The following TCOF1 variants were observed in gnomAD, a reference collection of about 807,000 sequenced individuals.
TCOF1 encodes the protein treacle protein.
TCOF1 carries 33 observed loss-of-function variants against 149.0 expected under a neutral mutation model. That is an observed-to-expected ratio of 0.22 (90% CI 0.17 to 0.30). The LOEUF is 0.30. TCOF1 is among the 10% of genes least tolerant of loss of function. The pLI is 1.00. For missense variants in TCOF1, 1,728 were observed against 1,840.7 expected (o/e 0.94, Z 1.12); for synonymous variants, 789 against 738.8 (o/e 1.07, Z -1.10).
At chr5:150,363,401 C>T (rs1419011743) in intron 2 of TCOF1, among the ~76,000 whole-genome samples, 1 of 152,178 alleles carries the variant, frequency 6.6e-6, no homozygotes, top group East Asian at 1.9e-4. Context: ...GGATGGGGGT[C>T]AATGGGCGTG....
chr5:150,397,363 T>C (rs1768799671), intron 24 of TCOF1, among the ~76,000 whole-genome samples: 1 of 152,058 alleles, frequency 6.6e-6, no homozygotes, highest in African/African-American at 2.4e-5. Flanking sequence ...GGGTGCAGAA[T>C]GGACCAGGAA....
intron 1 of TCOF1, 129 bp downstream of exon 1, chr5:150,357,983 G>A (rs1277915788): frequency 2.5e-5 from 22 of 870,994 alleles, no homozygotes; most frequent in Non-Finnish European, 3.7e-5. Flanking sequence ...TCGACGGCGC[G>A]GCCAGGGGTA....
At chr5:150,387,533 C>T (rs189155110) in intron 17 of TCOF1, among the ~76,000 whole-genome samples, 1 of 127,106 alleles carries the variant, frequency 7.9e-6, no homozygotes, top group Non-Finnish European at 1.7e-5. Context: ...TGAAGCCAGC[C>T]GGGGAAAGAA....
intron 6 of TCOF1, among the ~76,000 whole-genome samples, chr5:150,370,648 G>C (rs1010425170): frequency 2.0e-5 from 3 of 152,112 alleles, no homozygotes; most frequent in African/African-American, 7.2e-5. Flanking sequence ...GAGCCGCCAC[G>C]CCTGGCCAAA....
At position 150,367,739 on chromosome 5, in the gene TCOF1, A is replaced by T. The variant is rs935606019; in HGVS notation, c.305-105A>T. On this transcript the variant is annotated intron_variant, in intron 3 of 26. Coordinates refer to ENST00000643257, the MANE Select transcript of TCOF1 (RefSeq NM_001371623.1). ...AGCCTCAGATCCTCATGCCAGCACC[A>T]GGCAGCCAATACCAATAGAATTGTT... 1.4e-5 allele frequency: 19 copies of T among 1,325,646 alleles called. No individual in the cohort carries two copies. In the Middle Eastern group the frequency reaches 7.2e-4, roughly 50 times the overall value. 82.1% of individuals were successfully genotyped at this position (1,325,646 alleles called of 1,614,324 possible).
At position 150,364,226 on chromosome 5, in the gene TCOF1, A is replaced by C. The variant is rs1383195240; in HGVS notation, c.278A>C (p.Glu93Ala). 1 of 1,614,194 alleles carries C rather than the reference A, an allele frequency of 6.2e-7. No homozygotes were observed. Among genetic ancestry groups the C allele is most frequent in the Admixed American group, 1.7e-5 (1 of 60,022 alleles). The change falls in exon 3 of 27, where the codon GAA becomes GCA. Residue 93 changes from glutamate to alanine, a missense_variant. Physicochemically the swap from Glu to Ala is moderately radical, Grantham distance 107. This residue lies in a region of TCOF1 where 1,696 missense variants were observed against 1,765.4 expected (regional missense o/e 0.96). Transcript: ENST00000643257. ...TCGGAGAGCTCGGAAGAGGAGGAAG[A>C]AGCAGAAGCCGAAACCGCCAAAGCC... Reference protein sequence around the residue: ...STSESSEEEEEAEAETAKATP... With the variant: ...STSESSEEEEAAEAETAKATP...
chr5:150,384,701 C>T (rs1264979551), intron 17 of TCOF1: 1 of 985,368 alleles, frequency 1.0e-6, no homozygotes, highest in Non-Finnish European at 1.2e-6. Flanking sequence ...GAAAAGAAGT[C>T]AGCGGTTTGT....
rs760110382 is a variant in TCOF1 at position 150,378,876 on chromosome 5, C to T, written c.2341-29C>T. ...GCTGCTTTACTCAATCTCACCTTCTCCCTCCTTAATTCCCTTTTCTCCACT... is the reference window on the plus strand; with the variant it reads ...GCTGCTTTACTCAATCTCACCTTCTTCCTCCTTAATTCCCTTTTCTCCACT... On this transcript the variant is annotated intron_variant, in intron 14 of 26. Coordinates refer to ENST00000643257, the MANE Select transcript of TCOF1 (RefSeq NM_001371623.1). 18 of 1,613,918 alleles carry T rather than the reference C, an allele frequency of 1.1e-5. No individual in the cohort carries two copies. The East Asian group carries it at 3.1e-4, about 28-fold the overall frequency.
chr5:150,390,170 C>A, intron 19 of TCOF1, 147 bp downstream of exon 19: 2 of 1,308,984 alleles, frequency 1.5e-6, no homozygotes, highest in Non-Finnish European at 2.1e-6. Context: ...GGCTTTCTGG[C>A]CTCCTAGCTA....
chr5:150,397,673 G>C (rs1414603653), intron 24 of TCOF1, among the ~76,000 whole-genome samples: 1 of 152,194 alleles, frequency 6.6e-6, no homozygotes, highest in Non-Finnish European at 1.5e-5. Flanking sequence ...GCTCGTTCTG[G>C]AACAAAAGTC....
rs752584339 is a variant in TCOF1 at position 150,379,291 on chromosome 5, G to A, written c.2541G>A (p.Val847=). 6 of 1,614,128 alleles carry A rather than the reference G, an allele frequency of 3.7e-6. No individual in the cohort carries two copies. Among genetic ancestry groups the A allele is most frequent in the Non-Finnish European group, 3.4e-6 (4 of 1,180,052 alleles). The change falls in exon 16 of 27, where the codon GTG becomes GTA. Residue 847 remains valine, a synonymous_variant. Coordinates refer to ENST00000643257, the MANE Select transcript of TCOF1 (RefSeq NM_001371623.1). ...TCTTGGCGAGGGGCCCAGCATCTGT[G>A]CCATCTGTGGGGAAGGCCGTGGCTA... ...STVLARGPAS[V]PSVGKAVATA... is the part of the protein sequence containing the mutation.
Position 150,376,665 on chromosome 5 carries a change from T to C in TCOF1, c.2340+45T>C, listed in dbSNP as rs762393658. 4.5e-6 allele frequency: 7 copies of C among 1,542,908 alleles called. No individual in the cohort carries two copies. In the South Asian group the frequency reaches 8.3e-5, roughly 18 times the overall value. Reference sequence around the variant, plus strand: ...GGCCCATCCCACCCACACCTGTTCCTGAGCCAGGGCTGAGGATGGGCTTGA... The same window carrying C: ...GGCCCATCCCACCCACACCTGTTCCCGAGCCAGGGCTGAGGATGGGCTTGA... On this transcript the variant is annotated intron_variant, in intron 14 of 26. Transcript: ENST00000643257.
At chr5:150,391,906 T>G in intron 20 of TCOF1, 51 bp from the exon 21 acceptor site, 2 of 1,582,458 alleles carry the variant, frequency 1.3e-6, no homozygotes, top group Non-Finnish European at 1.7e-6. Context: ...AAGGACCAGG[T>G]CTTACTTGCC....
rs374561595 is a variant in TCOF1, at chr5:150,375,594, C to G, written c.1704+40C>G. 24 of 1,613,490 alleles carry G rather than the reference C, an allele frequency of 1.5e-5. No individual in the cohort carries two copies. In the East Asian group the frequency reaches 4.0e-4, roughly 27 times the overall value. On this transcript the variant is annotated intron_variant, in intron 11 of 26. Transcript: ENST00000643257. The stretch of plus-strand genomic sequence containing the variant: ...TGTAAGGCTCTTTCTTTTTCCCCCC[C>G]ACTCAGAGTGGAGCTGCCTGTGGCC...
chr5:150,379,508 C>G, intron 16 of TCOF1, 24 bp from the exon 17 acceptor site: 1 of 1,597,024 alleles, frequency 6.3e-7, no homozygotes, highest in East Asian at 2.3e-5. Flanking sequence ...AGGCTCTCTC[C>G]TCTCATCCTG....
Position 150,387,926 on chromosome 5 carries a change from G to A in TCOF1, c.2884G>A (p.Val962Ile). Reference sequence around the variant, plus strand: ...GGTGATTAAACCCCCTCTGATTTTTGTCGACCCTAATCGTAGTCCAGCTGG... The same window carrying A: ...GGTGATTAAACCCCCTCTGATTTTTATCGACCCTAATCGTAGTCCAGCTGG... ...AQVIKPPLIF[V>I]DPNRSPAGPA... is the part of the protein sequence containing the mutation. Residue 962 changes from valine (V) to isoleucine (I), a missense_variant, in exon 18 of 27, where the codon GTC becomes ATC. Physicochemically the swap from Val to Ile is conservative, Grantham distance 29 (BLOSUM62 3). This residue lies in a region of TCOF1 where 1,696 missense variants were observed against 1,765.4 expected (regional missense o/e 0.96). Transcript: ENST00000643257. 1.2e-6 allele frequency: 2 copies of A among 1,613,826 alleles called. No homozygotes were observed. The highest frequency in any genetic ancestry group is 1.7e-6 in the Non-Finnish European group (2 of 1,179,996).
chr5:150,367,655 C>T, intron 3 of TCOF1, 189 bp from the exon 4 acceptor site: 2 of 658,822 alleles, frequency 3.0e-6, no homozygotes, highest in South Asian at 3.3e-5. Context: ...CCTCTTCTCT[C>T]TTGCTCCTGG....
intron 5 of TCOF1, 52 bp downstream of exon 5, chr5:150,368,954 GGCAGGCCTAGGCATTGCT>G: frequency 3.1e-6 from 5 of 1,598,040 alleles, no homozygotes; most frequent in Non-Finnish European, 4.3e-6. Flanking sequence ...GGGCTGGTGA[GGCAGGCCTAGGCATTGCT>G]TTAAGTTCTG....
chr5:150,392,747 C>A lies in TCOF1; in HGVS notation c.3560C>A (p.Thr1187Asn). Residue 1187 changes from threonine (T) to asparagine (N), a missense_variant, in exon 22 of 27, where the codon ACC (threonine) becomes AAC (asparagine). Physicochemically the swap from Thr to Asn is moderately conservative, Grantham distance 65. This residue lies in a region of TCOF1 where 1,696 missense variants were observed against 1,765.4 expected (regional missense o/e 0.96). Transcript: ENST00000643257. The part of the protein sequence containing the change: ...PSRTETLVEE[T>N]AAESSEDDVV... ...AGGACAGAGACCCTGGTGGAGGAGA[C>A]CGCAGCAGAGTCCAGCGAGGATGAT... 6.2e-7 allele frequency: 1 copy of A among 1,614,084 alleles called. No homozygotes were observed. The highest frequency in any genetic ancestry group is 8.5e-7 in the Non-Finnish European group (1 of 1,180,016).
Sources: allele counts gnomAD v4.1 joint callset (sites outside exome capture counted in the v4.1 genomes callset), GRCh38; gene constraint gnomAD v4.1.1; regional missense constraint gnomAD v4.1.1; transcripts MANE v1.5; gene names NCBI Gene and HGNC (gene_info 2026-07-23, HGNC 2026-07-21).